Variants in BCL9L observed in about 807,000 individuals in gnomAD.
BCL9L encodes the protein B-cell CLL/lymphoma 9-like protein.
BCL9L carries 19 observed loss-of-function variants against 99.4 expected under a neutral mutation model. That is an observed-to-expected ratio of 0.19 (90% CI 0.13 to 0.28). BCL9L has a LOEUF of 0.28. Ranked by LOEUF, BCL9L falls within the 10% of genes least tolerant of loss-of-function variation. BCL9L has a pLI of 1.00. For synonymous variants in BCL9L, 900 were observed against 854.8 expected (o/e 1.05, Z -0.92); for missense variants, 2,023 against 2,101.6 (o/e 0.96, Z 0.73).
chr11:118,905,712 G>C (rs1051187330), intron 5 of BCL9L, among the ~76,000 whole-genome samples: 2 of 151,828 alleles, frequency 1.3e-5, no homozygotes, highest in African/African-American at 4.8e-5. Flanking sequence ...AGCTACTCGG[G>C]AGGCTGAGGC....
chr11:118,903,166 C>A lies in BCL9L; in HGVS notation c.749+70G>T. On this transcript the variant is annotated intron_variant, in intron 6 of 9. Transcript: ENST00000683865. The surrounding 1 kb of genome is among the most constrained non-coding windows in gnomAD (Gnocchi z 5.6). ...CCACCCTGCCCCTGCACGGGGCTCC[C>A]TCGGAACCCCAGGCTGAGAGGTGCT... 6.4e-7 allele frequency: 1 copy of A among 1,559,088 alleles called. No homozygotes were observed. Among genetic ancestry groups the A allele is most frequent in the East Asian group, 2.3e-5 (1 of 43,294 alleles).
chr11:118,900,486 C>T lies in BCL9L; in HGVS notation c.3124+133G>A. ...AAAGCCCACAAATGTCATCATCTGCCCCATAAGCAGAGCCATCCACCTCTG... is the reference window on the plus strand; with the variant it reads ...AAAGCCCACAAATGTCATCATCTGCTCCATAAGCAGAGCCATCCACCTCTG... On this transcript the variant is annotated intron_variant, in intron 8 of 9. Coordinates refer to ENST00000683865, the MANE Select transcript of BCL9L (RefSeq NM_001378213.1). This position sits in a 1 kb window ranked among gnomAD's most constrained non-coding sequence, Gnocchi z 5.3. The T allele has an allele frequency of 7.0e-7, 1 of 1,423,438 alleles. No individual in the cohort carries two copies. Among genetic ancestry groups the T allele is most frequent in the South Asian group, 1.5e-5 (1 of 68,094 alleles). The allele number at this position is 1,423,438 out of a possible 1,614,324, so 88.2% of individuals were successfully genotyped here. A position where few individuals can be genotyped will look rare whatever the true frequency, so the allele number is the denominator to read the frequency against.
At chr11:118,907,715 C>A in intron 4 of BCL9L, 113 bp from the exon 5 acceptor site, 1 of 1,485,286 alleles carries the variant, frequency 6.7e-7, no homozygotes, top group Non-Finnish European at 9.0e-7. Context: ...GAGGGCACTG[C>A]CCAGGCCATG....
In BCL9L at chr11:118,903,030, G is replaced by T; in HGVS notation, c.794C>A (p.Ala265Asp). Reference sequence around the variant, plus strand: ...CCGGGGCACGTTCTGCTGGTGGTAGGCGAGGATGGAGTCGGCCCGGCCCTG... The same window carrying T: ...CCGGGGCACGTTCTGCTGGTGGTAGTCGAGGATGGAGTCGGCCCGGCCCTG... ...VLQGRADSIL[A>D]YHQQNVPRAK... The change falls in exon 7 of 10, where the codon GCC (alanine) becomes GAC (aspartate). Residue 265 changes from alanine to aspartate, a missense_variant. By Grantham distance (126) the Ala-to-Asp change is moderately radical (BLOSUM62 -2). Coordinates refer to ENST00000683865, the MANE Select transcript of BCL9L (RefSeq NM_001378213.1). This position sits in a 1 kb window ranked among gnomAD's most constrained non-coding sequence, Gnocchi z 5.6. The T allele has an allele frequency of 6.3e-7, 1 of 1,595,136 alleles. No homozygotes were observed.
At chr11:118,924,593 G>A (rs1426859188) in intron 1 of BCL9L, among the ~76,000 whole-genome samples, 1 of 152,138 alleles carries the variant, frequency 6.6e-6, no homozygotes, top group Non-Finnish European at 1.5e-5. Context: ...AGAAGCCTAA[G>A]CTCACTTCTC....
chr11:118,900,931 T>C lies in BCL9L; in HGVS notation c.2812A>G (p.Ser938Gly). 1 of 1,566,132 alleles carries C rather than the reference T, an allele frequency of 6.4e-7. No homozygotes were observed. Among genetic ancestry groups the C allele is most frequent in the South Asian group, 1.2e-5 (1 of 83,268 alleles). The change falls in exon 8 of 10, where the codon AGC becomes GGC. Residue 938 changes from serine (S) to glycine (G), a missense_variant. Transcript: ENST00000683865. This position sits in a 1 kb window ranked among gnomAD's most constrained non-coding sequence, Gnocchi z 5.3. ...GTGACCAGGGGTGAGTGCACCTGGCTAAGGGTGGGCGACTTCAAGTGCCCC... is the reference window on the plus strand; with the variant it reads ...GTGACCAGGGGTGAGTGCACCTGGCCAAGGGTGGGCGACTTCAAGTGCCCC... ...GMGHLKSPTL[S>G]QVHSPLVTSP...
rs1402723578 is a variant in BCL9L, at chr11:118,900,606, G to A, written c.3124+13C>T. The A allele has an allele frequency of 2.5e-6, 4 of 1,583,388 alleles. No homozygotes were observed. The highest frequency in any genetic ancestry group is 2.3e-5 in the South Asian group (2 of 88,716). On this transcript the variant is annotated intron_variant, in intron 8 of 9. Transcript: ENST00000683865. This position sits in a 1 kb window ranked among gnomAD's most constrained non-coding sequence, Gnocchi z 5.3. ...CCTGCCTGCCTGCCTGCCTGCCTGC[G>A]CAATTGACTCACCCTGTTCCATGTT... is the stretch of plus-strand genomic sequence containing the variant.
At position 118,898,709 on chromosome 11, in the gene BCL9L, C is replaced by A; in HGVS notation, c.4206G>T (p.Arg1402Ser). 1 of 1,612,524 alleles carries A rather than the reference C, an allele frequency of 6.2e-7. No individual in the cohort carries two copies. Among genetic ancestry groups the A allele is most frequent in the Non-Finnish European group, 8.5e-7 (1 of 1,179,514 alleles). ...CHPGQMSLLGRTGVPPQQGMV... is the reference protein window; with the variant it reads ...CHPGQMSLLGSTGVPPQQGMV... Reference sequence around the variant, plus strand: ...TCCCCTGCTGTGGGGGCACGCCTGTCCTGCCCAGCAAGGACATCTGTCCAG... The same window carrying A: ...TCCCCTGCTGTGGGGGCACGCCTGTACTGCCCAGCAAGGACATCTGTCCAG... Residue 1402 changes from arginine (R) to serine (S), a missense_variant, in exon 10 of 10, where the codon AGG becomes AGT. Coordinates refer to ENST00000683865, the MANE Select transcript of BCL9L (RefSeq NM_001378213.1).
At chr11:118,915,399 C>T (rs781310474) in intron 2 of BCL9L, among the ~76,000 whole-genome samples, 2 of 152,208 alleles carry the variant, frequency 1.3e-5, no homozygotes, top group African/African-American at 2.4e-5. Flanking sequence ...TAAAGGCAGG[C>T]ACTGTCCAGA....
chr11:118,919,510 G>A (rs1047020487), intron 1 of BCL9L, among the ~76,000 whole-genome samples: 1 of 152,052 alleles, frequency 6.6e-6, no homozygotes, highest in African/African-American at 2.4e-5. Context: ...TCCCACAGCA[G>A]GCGGGAGAGA....
chr11:118,898,454 G>A lies in BCL9L; in HGVS notation c.4461C>T (p.Tyr1487=), dbSNP rs754223572. ...RSVSLDSQMG[Y]LPAPGGMANL... ...TGGCCATGCCGCCTGGTGCCGGGAG[G>A]TAGCCCATCTGGCTGTCCAGGGACA... Residue 1487 remains tyrosine, a synonymous_variant, in exon 10 of 10, where the codon TAC becomes TAT. Coordinates refer to ENST00000683865, the MANE Select transcript of BCL9L (RefSeq NM_001378213.1). 7 of 1,607,062 alleles carry A rather than the reference G, an allele frequency of 4.4e-6. No individual in the cohort carries two copies. Among genetic ancestry groups the A allele is most frequent in the Admixed American group, 1.7e-5 (1 of 59,818 alleles).
Position 118,921,564 on chromosome 11 carries a change from C to T in BCL9L, c.-130-2685G>A, listed in dbSNP as rs1191149003. On this transcript the variant is annotated intron_variant, in intron 1 of 9. Transcript: ENST00000683865. The surrounding 1 kb of genome is among the most constrained non-coding windows in gnomAD (Gnocchi z 5.4). ...GGCTACCAGTCCATTGGAGGAGGAACGGGAACGGACAGAGGGAGTCCCAGC... is the reference window on the plus strand; with the variant it reads ...GGCTACCAGTCCATTGGAGGAGGAATGGGAACGGACAGAGGGAGTCCCAGC... 6.6e-5 allele frequency among the ~76,000 whole-genome samples: 10 copies of T among 152,024 alleles called. No homozygotes were observed. The highest frequency in any genetic ancestry group is 1.3e-4 in the Non-Finnish European group (9 of 67,982).
Position 118,921,443 on chromosome 11 carries a change from C to T in BCL9L, c.-130-2564G>A, listed in dbSNP as rs1036568422. On this transcript the variant is annotated intron_variant, in intron 1 of 9. Transcript: ENST00000683865. The surrounding 1 kb of genome is among the most constrained non-coding windows in gnomAD (Gnocchi z 5.4). ...AGGGATTTCAAAACAATCCTGGTTT[C>T]GAAATGCTGGAAATGCTGGATTCAG... Among the ~76,000 whole-genome samples, 1 of 151,686 alleles carries T rather than the reference C, an allele frequency of 6.6e-6. No homozygotes were observed. Among genetic ancestry groups the T allele is most frequent in the Non-Finnish European group, 1.5e-5 (1 of 67,970 alleles).
In BCL9L at chr11:118,900,579, T is replaced by C. The variant is rs2137685287; in HGVS notation, c.3124+40A>G. 4 of 1,511,366 alleles carry C rather than the reference T, an allele frequency of 2.6e-6. No individual in the cohort carries two copies. The highest frequency in any genetic ancestry group is 3.6e-6 in the Non-Finnish European group (4 of 1,126,736). 93.6% of individuals were successfully genotyped at this position (1,511,366 alleles called of 1,614,324 possible). On this transcript the variant is annotated intron_variant, in intron 8 of 9. Coordinates refer to ENST00000683865, the MANE Select transcript of BCL9L (RefSeq NM_001378213.1). The surrounding 1 kb of genome is among the most constrained non-coding windows in gnomAD (Gnocchi z 5.3). ...CAGCATGGACACACTGCTCAGCGCC[T>C]GCCTGCCTGCCTGCCTGCCTGCCTG...
rs1256083238 is a variant in BCL9L, at chr11:118,901,517, A to G, written c.2226T>C (p.Phe742=). Residue 742 remains phenylalanine (F), a synonymous_variant, in exon 8 of 10, where the codon TTT becomes TTC. Transcript: ENST00000683865. The surrounding 1 kb of genome is among the most constrained non-coding windows in gnomAD (Gnocchi z 6.6). ...GGCTCAGGAGGCCCCGGCCTCCACCAAACTCCATGCCCATGGGAGTGCCCG... is the reference window on the plus strand; with the variant it reads ...GGCTCAGGAGGCCCCGGCCTCCACCGAACTCCATGCCCATGGGAGTGCCCG... ...GLAGTPMGME[F]GGGRGLLSPP... 1 of 1,614,062 alleles carries G rather than the reference A, an allele frequency of 6.2e-7. No homozygotes were observed. The highest frequency in any genetic ancestry group is 1.7e-5 in the Admixed American group (1 of 60,026).
chr11:118,902,124 A>C lies in BCL9L; in HGVS notation c.1619T>G (p.Leu540Arg). Residue 540 changes from leucine (L) to arginine (R), a missense_variant, in exon 8 of 10, where the codon CTG becomes CGG. Leu to Arg is a moderately radical substitution (Grantham distance 102). This residue lies in a region of BCL9L where 1,116 missense variants were observed against 1,194.6 expected (regional missense o/e 0.93). Coordinates refer to ENST00000683865, the MANE Select transcript of BCL9L (RefSeq NM_001378213.1). This position sits in a 1 kb window ranked among gnomAD's most constrained non-coding sequence, Gnocchi z 7.8. ...EKRRKEEQIG[L>R]HGSRPLQDMM... ...GTCCTGCAGAGGACGGCTCCCATGC[A>C]GCCCAATCTGTTCCTCTTTCCGCCG... 6.2e-7 allele frequency: 1 copy of C among 1,614,034 alleles called. No homozygotes were observed.
rs747439249 is a variant in BCL9L at position 118,907,582 on chromosome 11, G to T, written c.433C>A (p.Arg145=). The T allele has an allele frequency of 1.9e-6, 3 of 1,613,474 alleles. No individual in the cohort carries two copies. The highest frequency in any genetic ancestry group is 1.1e-5 in the South Asian group (1 of 91,086). Residue 145 remains arginine (R), a synonymous_variant, in exon 5 of 10, where the codon CGG becomes AGG. Transcript: ENST00000683865. ...TGCTTCCGCTCCAGCACACAGCGCC[G>T]CTTACTCCGCGGCGCCACCTCTGCC... ...EAKEVAPRSK[R]RCVLERKQPY...
Position 118,922,403 on chromosome 11 carries a change from C to T in BCL9L, c.-131+2835G>A, listed in dbSNP as rs1941166977. ...CCTCAGCCCTGGCAGGAGCTCCCAC[C>T]AGCCCCATCCCGGCTCCTCTGGCCA... On this transcript the variant is annotated intron_variant, in intron 1 of 9. Coordinates refer to ENST00000683865, the MANE Select transcript of BCL9L (RefSeq NM_001378213.1). The surrounding 1 kb of genome is among the most constrained non-coding windows in gnomAD (Gnocchi z 6.2). 3.3e-5 allele frequency among the ~76,000 whole-genome samples: 5 copies of T among 152,336 alleles called. No individual in the cohort carries two copies. The South Asian group carries it at 1.0e-3, about 32-fold the overall frequency.
Position 118,898,173 on chromosome 11 carries a change from GA to G in BCL9L, c.*241del. 3.4e-6 allele frequency: 2 copies of G among 596,550 alleles called. No individual in the cohort carries two copies. Among genetic ancestry groups the G allele is most frequent in the Non-Finnish European group, 5.9e-6 (2 of 338,422 alleles). The allele number at this position is 596,550 out of a possible 1,614,324, so 37.0% of individuals were successfully genotyped here. A position where few individuals can be genotyped will look rare whatever the true frequency, so the allele number is the denominator to read the frequency against. On this transcript the variant is annotated 3_prime_UTR_variant, in exon 10 of 10. Transcript: ENST00000683865. ...TCCATAGGAATTGGGAGGAGTGGGG[GA>G]GGGGCAGTCCTGGTGGCCGAAATGG... is the stretch of plus-strand genomic sequence containing the variant.
Sources: gnomAD v4.1 joint callset for allele counts (sites outside exome capture counted in the v4.1 genomes callset) on GRCh38, gnomAD v4.1.1 for gene constraint, gnomAD v4.1.1 regional missense constraint, Gnocchi (gnomAD v3.1) non-coding constraint, MANE v1.5 for transcripts, NCBI Gene and HGNC (gene_info 2026-07-23, HGNC 2026-07-21) for gene names.